PPP1R37: variants seen among roughly 807,000 people sequenced by gnomAD.
PPP1R37 encodes leucine rich repeat containing 68.
A neutral mutation model predicts 61.0 loss-of-function variants in PPP1R37; 21 were observed. The observed-to-expected ratio is 0.34, with a 90% CI of 0.24 to 0.50. PPP1R37 has a LOEUF of 0.50. Among genes scored for constraint, PPP1R37 ranks in the 20% least tolerant of loss-of-function variants. The pLI is 0.98. For synonymous variants in PPP1R37, 443 were observed against 433.5 expected, an observed-to-expected ratio of 1.02 and a Z score of -0.27; for missense variants, 910 against 952.7, an observed-to-expected ratio of 0.96 and a Z score of 0.59.
chr19:45,144,158 C>T (rs1968652236), intron 8 of PPP1R37: 1 of 152,602 alleles, frequency 6.6e-6, no homozygotes, highest in South Asian at 2.1e-4. Context: ...GAACTACAGG[C>T]ACCCACCACC....
chr19:45,133,500 C>T (rs1284420176), intron 1 of PPP1R37, among the ~76,000 whole-genome samples: 2 of 152,226 alleles, frequency 1.3e-5, no homozygotes, highest in Non-Finnish European at 2.9e-5. Flanking sequence ...AAGATCCCAG[C>T]CCCATCCCTC....
At chr19:45,117,433 G>C (rs985094308) in intron 1 of PPP1R37, among the ~76,000 whole-genome samples, 10 of 152,212 alleles carry the variant, frequency 6.6e-5, no homozygotes, top group Non-Finnish European at 2.9e-5. Context: ...GAGGAGTTGA[G>C]GTTTTACTCT....
At position 45,128,433 on chromosome 19, in the gene PPP1R37, C is replaced by A. The variant is rs904874065; in HGVS notation, c.203-10081C>A. On this transcript the variant is annotated intron_variant, in intron 1 of 12. Transcript: ENST00000221462. The stretch of plus-strand genomic sequence containing the variant: ...AAGCAAAATATTGTGATGCCTGCAG[C>A]TGTGTGTGTTTAAAGTCAAGGCAGG... 2.7e-5 allele frequency: 14 copies of A among 516,098 alleles called. 2 individuals are homozygous for A. The Middle Eastern group carries it at 1.8e-3, about 65-fold the overall frequency. 32.0% of individuals were successfully genotyped at this position (516,098 alleles called of 1,614,324 possible).
intron 1 of PPP1R37, among the ~76,000 whole-genome samples, chr19:45,116,787 T>G (rs1336177575): frequency 6.6e-6 from 1 of 151,996 alleles, no homozygotes; most frequent in African/African-American, 2.4e-5. Flanking sequence ...AACGAGCAAG[T>G]AGATCCTTAG....
intron 1 of PPP1R37, among the ~76,000 whole-genome samples, chr19:45,094,276 C>T (rs368948613): frequency 6.6e-6 from 1 of 152,082 alleles, no homozygotes; most frequent in African/African-American, 2.4e-5. Flanking sequence ...GAGCCACCGC[C>T]GCCTGCTGCA....
chr19:45,133,350 C>T (rs1420809666), intron 1 of PPP1R37, among the ~76,000 whole-genome samples: 7 of 152,238 alleles, frequency 4.6e-5, no homozygotes, highest in Admixed American at 2.0e-4. Flanking sequence ...TCCCAAAGTG[C>T]TGGGATTACA....
At chr19:45,137,237 A>C (rs557542344) in intron 1 of PPP1R37, among the ~76,000 whole-genome samples, 1 of 152,338 alleles carries the variant, frequency 6.6e-6, no homozygotes, top group Admixed American at 6.5e-5. Flanking sequence ...TCTAATAGCC[A>C]AAAACTGGAA....
At chr19:45,128,654 C>T in intron 1 of PPP1R37, 1 of 1,233,760 alleles carries the variant, frequency 8.1e-7, no homozygotes, top group Non-Finnish European at 1.2e-6. Flanking sequence ...GTAACACTGG[C>T]TTCGTGGTGC....
In PPP1R37 at chr19:45,117,938, C is replaced by T. The variant is rs80159714; in HGVS notation, c.203-20576C>T. ...TCCTCAGCCTTACAGCTCCAGCCCC[C>T]GCGTGATCCGCGTTTCTCAGGCCTC... On this transcript the variant is annotated intron_variant, in intron 1 of 12. Transcript: ENST00000221462. 9.5e-4 allele frequency among the ~76,000 whole-genome samples: 145 copies of T among 152,350 alleles called. 1 individual carries two copies. The highest frequency in any genetic ancestry group is 3.2e-3 in the African/African-American group (132 of 41,576).
intron 7 of PPP1R37, chr19:45,142,713 A>C (rs1968630374): frequency 1.9e-6 from 1 of 528,804 alleles, no homozygotes; most frequent in Non-Finnish European, 3.3e-6. Flanking sequence ...GAGACAGCTC[A>C]GCTGACAGCC....
intron 1 of PPP1R37, among the ~76,000 whole-genome samples, chr19:45,135,138 C>G (rs569198576): frequency 6.6e-6 from 1 of 152,262 alleles, no homozygotes; most frequent in African/African-American, 2.4e-5. Flanking sequence ...ATTCCAGCAA[C>G]TCGGGAGGCT....
rs777689515 is a variant in PPP1R37, at chr19:45,140,623, C to T, written c.447+17C>T. Reference sequence around the variant, plus strand: ...GATGAAGATGTGAGCGGCCCTGCCACCGCCCACTTGGCTCCCTGAGCTCCC... The same window carrying T: ...GATGAAGATGTGAGCGGCCCTGCCATCGCCCACTTGGCTCCCTGAGCTCCC... On this transcript the variant is annotated intron_variant, in intron 4 of 12. Coordinates refer to ENST00000221462, the MANE Select transcript of PPP1R37 (RefSeq NM_019121.2). The T allele has an allele frequency of 2.6e-6, 4 of 1,527,652 alleles. No homozygotes were observed. Among genetic ancestry groups the T allele is most frequent in the African/African-American group, 2.7e-5 (2 of 72,994 alleles). 94.6% of individuals were successfully genotyped at this position (1,527,652 alleles called of 1,614,324 possible). A position where few individuals can be genotyped will look rare whatever the true frequency, so the allele number is the denominator to read the frequency against.
chr19:45,129,807 G>A (rs893274941), intron 1 of PPP1R37, among the ~76,000 whole-genome samples: 5 of 152,216 alleles, frequency 3.3e-5, no homozygotes, highest in Non-Finnish European at 7.3e-5. Context: ...GAGGAGCGGG[G>A]AGGGGTCCTG....
intron 1 of PPP1R37, chr19:45,100,053 C>G: frequency 6.6e-6 from 1 of 152,228 alleles, no homozygotes; most frequent in East Asian, 1.9e-4. Context: ...GATTAAGAAC[C>G]GTGGGGCCAA....
At chr19:45,110,968 C>CTT (rs1968192665) in intron 1 of PPP1R37, among the ~76,000 whole-genome samples, 1 of 152,194 alleles carries the variant, frequency 6.6e-6, no homozygotes, top group Non-Finnish European at 1.5e-5. Flanking sequence ...GAGTGCTGGG[C>CTT]TTTCCTCAGA....
chr19:45,116,466 C>T (rs572701789), intron 1 of PPP1R37, among the ~76,000 whole-genome samples: 66 of 152,310 alleles, frequency 4.3e-4, no homozygotes, highest in African/African-American at 1.0e-3. Context: ...GCCTCCCTGC[C>T]GGGAAGGGCA....
intron 1 of PPP1R37, among the ~76,000 whole-genome samples, chr19:45,126,428 C>A (rs1047981343): frequency 6.6e-6 from 1 of 152,088 alleles, no homozygotes; most frequent in Non-Finnish European, 1.5e-5. Flanking sequence ...GTGCTGTTGG[C>A]GACGGAGCAG....
At chr19:45,093,649 A>G in intron 1 of PPP1R37, 122 bp downstream of exon 1, 1 of 677,656 alleles carries the variant, frequency 1.5e-6, no homozygotes, top group Non-Finnish European at 2.4e-6. Context: ...ATAAGGGGAC[A>G]GTCGTCAGTT....
chr19:45,112,326 C>T (rs1056261340), intron 1 of PPP1R37, among the ~76,000 whole-genome samples: 1 of 152,238 alleles, frequency 6.6e-6, no homozygotes, highest in East Asian at 1.9e-4. Flanking sequence ...TGATACATTT[C>T]ACCTGGGGCG....
Sources: gnomAD v4.1 joint callset for allele counts (sites outside exome capture counted in the v4.1 genomes callset) on GRCh38, gnomAD v4.1.1 for gene constraint, MANE v1.5 for transcripts, NCBI Gene and HGNC (gene_info 2026-07-23, HGNC 2026-07-21) for gene names.